TLE4: variants seen among roughly 807,000 people sequenced by gnomAD.
TLE4 encodes transducin-like enhancer protein 4.
TLE4 carries 8 observed loss-of-function variants against 92.8 expected under a neutral mutation model. The observed-to-expected ratio is 0.09, with a 90% CI of 0.05 to 0.16. The LOEUF is 0.16. Ranked by LOEUF, TLE4 falls within the 10% of genes least tolerant of loss-of-function variation. The pLI is 1.00. For synonymous variants in TLE4, 371 were observed against 374.1 expected (o/e 0.99, Z 0.10); for missense variants, 675 against 997.6 (o/e 0.68, Z 4.36).
intron 4 of TLE4, among the ~76,000 whole-genome samples, chr9:79,598,263 GAAA>G (rs938142420): frequency 3.1e-5 from 4 of 128,926 alleles, no homozygotes; most frequent in Admixed American, 7.8e-5. Context: ...AAAAAAAAAA[GAAA>G]AAAAAAAAAG....
At chr9:79,574,375 C>A (rs2037011983) in intron 2 of TLE4, among the ~76,000 whole-genome samples, 1 of 152,084 alleles carries the variant, frequency 6.6e-6, no homozygotes, top group African/African-American at 2.4e-5. Flanking sequence ...TGACACTTTG[C>A]CCCTGGGTGG....
intron 5 of TLE4, among the ~76,000 whole-genome samples, chr9:79,617,704 G>A (rs1325605095): frequency 6.6e-6 from 1 of 152,044 alleles, no homozygotes; most frequent in Non-Finnish European, 1.5e-5. Context: ...CTGGGCTGCA[G>A]TTTGCTTATC....
chr9:79,609,953 A>C (rs144346091), intron 4 of TLE4, among the ~76,000 whole-genome samples: 1 of 152,214 alleles, frequency 6.6e-6, no homozygotes, highest in African/African-American at 2.4e-5. Context: ...AAGATTCATC[A>C]GATGCAATCA....
chr9:79,573,285 G>T, intron 1 of TLE4: 1 of 1,031,108 alleles, frequency 9.7e-7, no homozygotes. Flanking sequence ...AGCCGAGAGG[G>T]TGGCGGCCGC....
intron 5 of TLE4, among the ~76,000 whole-genome samples, chr9:79,617,191 G>A (rs185480697): frequency 5.3e-4 from 80 of 152,258 alleles, no homozygotes; most frequent in African/African-American, 1.8e-3. Context: ...TGCAGCTCCA[G>A]TAGCTGCTTC....
intron 6 of TLE4, among the ~76,000 whole-genome samples, chr9:79,643,529 G>A (rs545283118): frequency 8.5e-4 from 130 of 152,232 alleles, no homozygotes; most frequent in African/African-American, 2.4e-3. Flanking sequence ...CACAGTGTCC[G>A]AAAGCATTTT....
intron 4 of TLE4, among the ~76,000 whole-genome samples, chr9:79,601,164 T>G (rs918615189): frequency 4.6e-5 from 7 of 152,206 alleles, no homozygotes; most frequent in African/African-American, 7.2e-5. Flanking sequence ...CTTTAATCAT[T>G]TATTCACCCA....
intron 8 of TLE4, chr9:79,671,382 CCGAGGACTGTGATCTCA>C: frequency 5.1e-6 from 2 of 395,098 alleles, no homozygotes. Flanking sequence ...AACGAGTGGC[CCGAGGACTGTGATCTCA>C]CAGTTTACCG....
At chr9:79,629,106 G>C (rs576699713) in intron 6 of TLE4, among the ~76,000 whole-genome samples, 116 of 152,222 alleles carry the variant, frequency 7.6e-4, no homozygotes, top group Middle Eastern at 3.4e-3. Flanking sequence ...GTCATTTTTA[G>C]CTTAGCGTTT....
At chr9:79,633,470 G>T (rs72732300) in intron 6 of TLE4, among the ~76,000 whole-genome samples, 11,470 of 152,172 alleles carry the variant, frequency 0.075, 475 homozygotes, top group Middle Eastern at 0.11. Flanking sequence ...AGTTCAAAGT[G>T]TTATAAGAGT....
intron 8 of TLE4, among the ~76,000 whole-genome samples, chr9:79,664,764 A>C (rs2061116279): frequency 6.6e-6 from 1 of 152,076 alleles, no homozygotes; most frequent in African/African-American, 2.4e-5. Flanking sequence ...AGACTTCAGC[A>C]TGACTGTACA....
chr9:79,579,559 T>C, intron 4 of TLE4, among the ~76,000 whole-genome samples: 1 of 152,216 alleles, frequency 6.6e-6, no homozygotes, highest in Non-Finnish European at 1.5e-5. Flanking sequence ...ATTTGAATTT[T>C]AGTAATCATC....
At chr9:79,692,525 C>T (rs1299159633) in intron 8 of TLE4, among the ~76,000 whole-genome samples, 2 of 152,184 alleles carry the variant, frequency 1.3e-5, no homozygotes, top group Non-Finnish European at 2.9e-5. Flanking sequence ...TATGCCTCCA[C>T]TTCATGTAGT....
At chr9:79,660,196 G>C (rs932324678) in intron 8 of TLE4, among the ~76,000 whole-genome samples, 2 of 152,216 alleles carry the variant, frequency 1.3e-5, no homozygotes, top group African/African-American at 4.8e-5. Context: ...CACTGGGTAA[G>C]CTGAATATCA....
chr9:79,627,774 T>A (rs1309622540), intron 6 of TLE4: 1 of 258,136 alleles, frequency 3.9e-6, no homozygotes, highest in African/African-American at 2.3e-5. Context: ...TGCCCTGACG[T>A]TAAAATGACC....
intron 8 of TLE4, among the ~76,000 whole-genome samples, chr9:79,680,776 C>T (rs1284691690): frequency 6.6e-6 from 1 of 152,080 alleles, no homozygotes; most frequent in African/African-American, 2.4e-5. Context: ...TCATAGATAG[C>T]TTTTATTATT....
At chr9:79,599,351 C>T (rs903498654) in intron 4 of TLE4, among the ~76,000 whole-genome samples, 1 of 152,136 alleles carries the variant, frequency 6.6e-6, no homozygotes, top group African/African-American at 2.4e-5. Flanking sequence ...ACATTAGATT[C>T]ACCTGGGGAG....
intron 8 of TLE4, among the ~76,000 whole-genome samples, chr9:79,696,818 T>G (rs527703809): frequency 6.6e-6 from 1 of 152,222 alleles, no homozygotes; most frequent in African/African-American, 2.4e-5. Context: ...GCAGCTGTTA[T>G]GCTTGTGTTG....
intron 8 of TLE4, among the ~76,000 whole-genome samples, chr9:79,689,327 GTT>G (rs78898388): frequency 6.9e-6 from 1 of 144,616 alleles, no homozygotes; most frequent in Non-Finnish European, 1.5e-5. Context: ...TTTTATTGTT[GTT>G]TTTTTTTTTT....
Sources: gnomAD v4.1 joint callset for allele counts (sites outside exome capture counted in the v4.1 genomes callset) on GRCh38, gnomAD v4.1.1 for gene constraint, MANE v1.5 for transcripts, NCBI Gene and HGNC (gene_info 2026-07-23, HGNC 2026-07-21) for gene names.